Variants in ZNF385B observed in about 807,000 individuals in gnomAD.
ZNF385B encodes the protein zinc finger protein 533.
ZNF385B carries 23 observed loss-of-function variants against 39.2 expected under a neutral mutation model. The observed-to-expected ratio is 0.59, with a 90% CI of 0.42 to 0.83. The LOEUF is 0.83. Among genes scored for constraint, ZNF385B ranks in the 40% least tolerant of loss-of-function variants. ZNF385B has a pLI of 0.00. For missense variants in ZNF385B, 552 were observed against 598.9 expected, an observed-to-expected ratio of 0.92 and a Z score of 0.82; for synonymous variants, 205 against 222.6, an observed-to-expected ratio of 0.92 and a Z score of 0.70.
At chr2:179,769,901 T>C (rs1703916445) in intron 2 of ZNF385B, 99 bp from the exon 3 acceptor site, 4 of 1,207,264 alleles carry the variant, frequency 3.3e-6, no homozygotes, top group Non-Finnish European at 4.5e-6. Flanking sequence ...AAGCTAAAAG[T>C]TGCCCAGCTA....
At chr2:179,774,495 G>T (rs1704198015) in intron 1 of ZNF385B, among the ~76,000 whole-genome samples, 1 of 152,016 alleles carries the variant, frequency 6.6e-6, no homozygotes, top group South Asian at 2.1e-4. Context: ...TGAGTAACTG[G>T]GACTACAGGG....
intron 3 of ZNF385B, among the ~76,000 whole-genome samples, chr2:179,663,081 A>G (rs1694688427): frequency 1.3e-5 from 2 of 152,208 alleles, no homozygotes; most frequent in South Asian, 2.1e-4. Flanking sequence ...CCTAAGGCCA[A>G]TTACTCACCT....
chr2:179,543,670 T>C (rs1350746694), intron 4 of ZNF385B, among the ~76,000 whole-genome samples: 1 of 152,142 alleles, frequency 6.6e-6, no homozygotes, highest in African/African-American at 2.4e-5. Context: ...TGTAACTTTT[T>C]TTTTTTTAAC....
intron 3 of ZNF385B, among the ~76,000 whole-genome samples, chr2:179,709,233 A>C (rs1699829784): frequency 6.6e-6 from 1 of 152,234 alleles, no homozygotes; most frequent in Non-Finnish European, 1.5e-5. Context: ...TGTTACACTG[A>C]TGACATCATG....
intron 1 of ZNF385B, among the ~76,000 whole-genome samples, chr2:179,784,406 CA>C (rs1392795461): frequency 2.0e-5 from 3 of 151,894 alleles, no homozygotes; most frequent in East Asian, 3.9e-4. Flanking sequence ...ATCTGTACAA[CA>C]AACCCTTGTT....
intron 3 of ZNF385B, among the ~76,000 whole-genome samples, chr2:179,691,084 T>G (rs1370448402): frequency 6.6e-6 from 1 of 152,168 alleles, no homozygotes; most frequent in Non-Finnish European, 1.5e-5. Context: ...AGTTCTGAAC[T>G]GTTTTGTTTT....
In ZNF385B at chr2:179,544,832, T is replaced by C; in HGVS notation, c.436A>G (p.Asn146Asp). Residue 146 changes from asparagine (N) to aspartate (D), a missense_variant, in exon 4 of 10, where the codon AAC becomes GAC. Coordinates refer to ENST00000410066, the MANE Select transcript of ZNF385B (RefSeq NM_152520.6). Reference protein sequence around the residue: ...SSAVGLFPNFNTMDPVQKAVI... With the variant: ...SSAVGLFPNFDTMDPVQKAVI... ...ATAGAAATGAATTTACTCACTGTGT[T>C]AAAATTTGGAAAGAGCCCAACAGCA... 4 of 1,614,010 alleles carry C rather than the reference T, an allele frequency of 2.5e-6. No homozygotes were observed. The highest frequency in any genetic ancestry group is 3.4e-6 in the Non-Finnish European group (4 of 1,179,910).
At chr2:179,838,809 G>T (rs147204356) in intron 1 of ZNF385B, among the ~76,000 whole-genome samples, 3 of 150,852 alleles carry the variant, frequency 2.0e-5, no homozygotes, top group African/African-American at 7.3e-5. Context: ...TTCATGACTA[G>T]AATCATGAAA....
intron 3 of ZNF385B, among the ~76,000 whole-genome samples, chr2:179,618,057 T>C (rs1414561962): frequency 6.6e-6 from 1 of 152,180 alleles, no homozygotes; most frequent in Non-Finnish European, 1.5e-5. Context: ...AAGAAACATG[T>C]GATTAGAAGG....
At chr2:179,457,117 T>C (rs573638591) in intron 6 of ZNF385B, among the ~76,000 whole-genome samples, 1 of 152,282 alleles carries the variant, frequency 6.6e-6, no homozygotes, top group Admixed American at 6.5e-5. Context: ...TTAAGCTTCA[T>C]ATAAGGAAAT....
At chr2:179,460,454 T>G (rs1020161392) in intron 6 of ZNF385B, among the ~76,000 whole-genome samples, 4 of 152,156 alleles carry the variant, frequency 2.6e-5, no homozygotes, top group Non-Finnish European at 5.9e-5. Flanking sequence ...GTGATAAGAT[T>G]AAGAGTATTA....
intron 3 of ZNF385B, among the ~76,000 whole-genome samples, chr2:179,756,383 C>T (rs145005198): frequency 0.12 from 18,518 of 152,052 alleles, 1,663 homozygotes; most frequent in East Asian, 0.48. Context: ...TGTGGGTAAC[C>T]CGACCTTTCT....
At chr2:179,774,763 G>T (rs942658896) in intron 1 of ZNF385B, among the ~76,000 whole-genome samples, 1 of 152,202 alleles carries the variant, frequency 6.6e-6, no homozygotes. Flanking sequence ...CAAGGAAAAA[G>T]TATCATCACT....
chr2:179,496,610 A>G (rs926026942), intron 5 of ZNF385B, among the ~76,000 whole-genome samples: 5 of 152,234 alleles, frequency 3.3e-5, no homozygotes, highest in Admixed American at 2.6e-4. Context: ...AACAAATCAC[A>G]TACAACAGAG....
intron 1 of ZNF385B, among the ~76,000 whole-genome samples, chr2:179,772,425 C>T (rs1308817718): frequency 6.6e-6 from 1 of 152,122 alleles, no homozygotes. Context: ...TCACCAAATC[C>T]CAATTTATTA....
intron 1 of ZNF385B, among the ~76,000 whole-genome samples, chr2:179,782,591 T>G (rs886181737): frequency 6.6e-6 from 1 of 152,170 alleles, no homozygotes. Context: ...CTCCATAGTC[T>G]CAGCCAAAAT....
intron 3 of ZNF385B, among the ~76,000 whole-genome samples, chr2:179,644,207 G>A (rs532929108): frequency 1.3e-5 from 2 of 152,194 alleles, no homozygotes; most frequent in African/African-American, 4.8e-5. Context: ...AAATATCCTA[G>A]ATATTTTGAA....
intron 6 of ZNF385B, among the ~76,000 whole-genome samples, chr2:179,458,304 T>G (rs1219607715): frequency 6.6e-6 from 1 of 152,220 alleles, no homozygotes. Context: ...AGAGTTTCCC[T>G]GCACAAGCTC....
chr2:179,516,403 A>T (rs1184561433), intron 5 of ZNF385B, among the ~76,000 whole-genome samples: 1 of 152,090 alleles, frequency 6.6e-6, no homozygotes, highest in African/African-American at 2.4e-5. Context: ...TCTCACTGAC[A>T]ATGTATGAGA....
Sources: gnomAD v4.1 joint callset for allele counts (sites outside exome capture counted in the v4.1 genomes callset) on GRCh38, gnomAD v4.1.1 for gene constraint, MANE v1.5 for transcripts, NCBI Gene and HGNC (gene_info 2026-07-23, HGNC 2026-07-21) for gene names.